Variants in LBP observed in about 807,000 individuals in gnomAD.
LBP encodes lipopolysaccharide binding protein.
In LBP, 53 loss-of-function variants were observed where a neutral mutation model predicts 56.6. That is an observed-to-expected ratio of 0.94 (90% CI 0.75 to 1.18). The LOEUF (loss-of-function observed/expected upper bound fraction) is 1.18. Ranked by LOEUF, LBP falls within the 50% of genes most tolerant of loss-of-function variation. LBP has a pLI of 0.00. For synonymous variants in LBP, 227 were observed against 247.5 expected, an observed-to-expected ratio of 0.92 and a Z score of 0.78; for missense variants, 601 against 598.3, an observed-to-expected ratio of 1.00 and a Z score of -0.05.
rs5744219 is a variant in LBP, at chr20:38,373,058, C to G, written c.1261-14C>G. The G allele has an allele frequency of 6.2e-7, 1 of 1,612,044 alleles. No homozygotes were observed. The highest frequency in any genetic ancestry group is 1.1e-5 in the South Asian group (1 of 91,046). On this transcript the variant is annotated splice_polypyrimidine_tract_variant and intron_variant, in intron 12 of 14. Transcript: ENST00000217407. ...CTGTGGCGATGTAAATATATCTCTC[C>G]TGTTCTCTTCCAGGCAGAGCTGTTG...
intron 6 of LBP, among the ~76,000 whole-genome samples, chr20:38,361,619 G>A (rs2076860452): frequency 6.6e-6 from 1 of 152,000 alleles, no homozygotes; most frequent in Admixed American, 6.6e-5. Context: ...TGCCCAGGCT[G>A]GTCTCGAACT....
intron 12 of LBP, among the ~76,000 whole-genome samples, chr20:38,372,297 G>A (rs1171369791): frequency 2.6e-5 from 4 of 152,152 alleles, no homozygotes; most frequent in East Asian, 1.9e-4. Flanking sequence ...AGACTTTCCC[G>A]AAGCACTTAT....
chr20:38,362,081 C>G, intron 6 of LBP, among the ~76,000 whole-genome samples: 1 of 125,870 alleles, frequency 7.9e-6, no homozygotes. Context: ...TTTTGTGAGA[C>G]GGAGTCTCGC....
chr20:38,375,763 G>A lies in LBP; in HGVS notation c.1402-862G>A, dbSNP rs150656906. 9.7e-3 allele frequency among the ~76,000 whole-genome samples: 1,471 copies of A among 152,206 alleles called. 10 individuals carry two copies. The highest frequency in any genetic ancestry group is 0.016 in the Non-Finnish European group (1,113 of 68,018). On this transcript the variant is annotated intron_variant, in intron 14 of 14. Coordinates refer to ENST00000217407, the MANE Select transcript of LBP (RefSeq NM_004139.5). Reference sequence around the variant, plus strand: ...TTTTGAGGTGAGATGAACTGGGTTGGCGGACTCATTAGCAGGAGGGGGATG... The same window carrying A: ...TTTTGAGGTGAGATGAACTGGGTTGACGGACTCATTAGCAGGAGGGGGATG...
rs775878574 is a variant in LBP, at chr20:38,364,746, T to C, written c.915T>C (p.Asp305=). The C allele has an allele frequency of 1.2e-6, 2 of 1,607,612 alleles. No homozygotes were observed. The highest frequency in any genetic ancestry group is 1.7e-6 in the Non-Finnish European group (2 of 1,176,610). Reference sequence around the variant, plus strand: ...GATATCTGAACTTCTCCATCACAGATGACATGGTGAGGATGGTGGCAAACA... The same window carrying C: ...GATATCTGAACTTCTCCATCACAGACGACATGGTGAGGATGGTGGCAAACA... ...EEGYLNFSIT[D]DMIPPDSNIR... is the part of the protein sequence containing the mutation. Residue 305 remains aspartate, a synonymous_variant, in exon 8 of 15, where the codon GAT becomes GAC. Transcript: ENST00000217407.
intron 5 of LBP, among the ~76,000 whole-genome samples, chr20:38,355,843 G>C (rs2076837068): frequency 6.6e-6 from 1 of 152,158 alleles, no homozygotes; most frequent in East Asian, 1.9e-4. Context: ...CCTGGATGGG[G>C]AGGCAGCAAC....
Position 38,369,157 on chromosome 20 carries a change from A to AGTGT in LBP, c.1146_1149dup (p.Ala384CysfsTer4). ...CAGCAAGGAGCCTGTCTTCCGGCTCAGTGTGGTAAGGTTCAGAGCCTTTGC... is the reference window on the plus strand; with the variant it reads ...CAGCAAGGAGCCTGTCTTCCGGCTCAGTGTGTGTGGTAAGGTTCAGAGCCTTTGC... On this transcript the variant is annotated frameshift_variant, in exon 10 of 15. Transcript: ENST00000217407. LOFTEE classifies it high-confidence loss of function. 6.2e-7 allele frequency: 1 copy of AGTGT among 1,613,774 alleles called. No individual in the cohort carries two copies. Among genetic ancestry groups the AGTGT allele is most frequent in the Non-Finnish European group, 8.5e-7 (1 of 1,179,902 alleles).
rs555400767 is a variant in LBP, at chr20:38,352,316, A to G, written c.368+1377A>G. The stretch of plus-strand genomic sequence containing the variant: ...AAATATGGGTGATATGACCATATTT[A>G]TACTTCAGACCTGCACTGCCTAAAA... On this transcript the variant is annotated intron_variant, in intron 3 of 14. Transcript: ENST00000217407. Among the ~76,000 whole-genome samples, 6 of 152,328 alleles carry G rather than the reference A, an allele frequency of 3.9e-5. No individual in the cohort carries two copies. The South Asian group carries it at 1.2e-3, about 32-fold the overall frequency.
intron 3 of LBP, 82 bp downstream of exon 3, chr20:38,351,021 C>G: frequency 5.2e-6 from 8 of 1,540,476 alleles, no homozygotes; most frequent in Non-Finnish European, 7.0e-6. Flanking sequence ...GTGTTCCTAG[C>G]TTATCAGAAA....
rs1297331845 is a variant in LBP at position 38,360,591 on chromosome 20, G to A, written c.589-113G>A. 15 of 693,572 alleles carry A rather than the reference G, an allele frequency of 2.2e-5. No homozygotes were observed. In the Admixed American group the frequency reaches 2.2e-4, roughly 10 times the overall value. 43.0% of individuals were successfully genotyped at this position (693,572 alleles called of 1,614,324 possible). On this transcript the variant is annotated intron_variant, in intron 5 of 14. Coordinates refer to ENST00000217407, the MANE Select transcript of LBP (RefSeq NM_004139.5). ...TCATGACAAGCACTTATAAATATTT[G>A]TAAATCAGTGATCACTGAGCACATG...
intron 5 of LBP, among the ~76,000 whole-genome samples, chr20:38,356,449 CACA>C (rs2076841189): frequency 1.7e-4 from 21 of 121,354 alleles, no homozygotes; most frequent in African/African-American, 6.1e-4. Flanking sequence ...CACACACACA[CACA>C]CACCCTCGTC....
In LBP at chr20:38,373,967, TGCTGAA is replaced by T; in HGVS notation, c.1358_1363del (p.Leu453_Lys454del). 1 of 1,614,136 alleles carries T rather than the reference TGCTGAA, an allele frequency of 6.2e-7. No individual in the cohort carries two copies. The highest frequency in any genetic ancestry group is 8.5e-7 in the Non-Finnish European group (1 of 1,179,970). The stretch of plus-strand genomic sequence containing the variant: ...TTGGCCGAAGGCTTCCCCCTTCCTC[TGCTGAA>T]GCGTGTTCAGCTCTACGACCTTGGG... On this transcript the variant is annotated inframe_deletion, in exon 14 of 15. Transcript: ENST00000217407.
intron 12 of LBP, 93 bp from the exon 13 acceptor site, chr20:38,372,979 T>G: frequency 2.0e-6 from 2 of 995,280 alleles, no homozygotes; most frequent in South Asian, 1.3e-5. Context: ...TAATACTAGT[T>G]TGCTTTTCCC....
chr20:38,374,950 AT>A (rs370110558), intron 14 of LBP, among the ~76,000 whole-genome samples: 50,475 of 127,004 alleles, frequency 0.4, 9,223 homozygotes, highest in African/African-American at 0.45. Context: ...CTCCCAGCTA[AT>A]TTTTTTTTTT....
At chr20:38,348,774 TTTAGTTTA>T (rs2076809975) in intron 1 of LBP, among the ~76,000 whole-genome samples, 1 of 127,736 alleles carries the variant, frequency 7.8e-6, no homozygotes, top group African/African-American at 2.8e-5. Context: ...TTTAGTTTAG[TTTAGTTTA>T]GTTTAGTTTT....
chr20:38,376,192 C>T (rs185138243), intron 14 of LBP, among the ~76,000 whole-genome samples: 3 of 152,232 alleles, frequency 2.0e-5, no homozygotes, highest in Admixed American at 2.0e-4. Flanking sequence ...GTCAACTCTG[C>T]CCATGTGTCT....
chr20:38,362,310 C>T (rs1258058811), intron 6 of LBP, among the ~76,000 whole-genome samples: 5 of 145,978 alleles, frequency 3.4e-5, no homozygotes, highest in African/African-American at 1.2e-4. Context: ...TCCGCCCGCT[C>T]GGCCTCCCAA....
In LBP at chr20:38,370,807, T is replaced by G. The variant is rs745641453; in HGVS notation, c.1217+2T>G. Reference sequence around the variant, plus strand: ...CACTGGGTTCCTGAAGCCAGGAAAGTAAGTTGGCCTCCTACCTACATGGGG... The same window carrying G: ...CACTGGGTTCCTGAAGCCAGGAAAGGAAGTTGGCCTCCTACCTACATGGGG... On this transcript the variant is annotated splice_donor_variant, in intron 11 of 14. Coordinates refer to ENST00000217407, the MANE Select transcript of LBP (RefSeq NM_004139.5). LOFTEE classifies it high-confidence loss of function. 8.7e-6 allele frequency: 14 copies of G among 1,613,518 alleles called. No individual in the cohort carries two copies. In the South Asian group the frequency reaches 1.5e-4, roughly 18 times the overall value.
chr20:38,350,501 T>G (rs2076816674), intron 2 of LBP, among the ~76,000 whole-genome samples: 2 of 151,722 alleles, frequency 1.3e-5, no homozygotes, highest in South Asian at 4.2e-4. Context: ...CCACCGGGGG[T>G]CATTAGATTC....
Sources: gnomAD v4.1 joint callset for allele counts (sites outside exome capture counted in the v4.1 genomes callset) on GRCh38, gnomAD v4.1.1 for gene constraint, MANE v1.5 for transcripts, NCBI Gene and HGNC (gene_info 2026-07-23, HGNC 2026-07-21) for gene names.